Variants in BMP5 observed in about 807,000 individuals in gnomAD.
BMP5 encodes the protein bone morphogenetic protein 5.
In BMP5, 23 loss-of-function variants were observed where a neutral mutation model predicts 46.6. The observed-to-expected ratio is 0.49, with a 90% confidence interval of 0.35 to 0.70. The LOEUF is 0.70. BMP5 is among the 30% of genes least tolerant of loss of function. BMP5 has a pLI of 0.00. For synonymous variants in BMP5, 204 were observed against 191.9 expected (o/e 1.06, Z -0.52); for missense variants, 545 against 565.6 (o/e 0.96, Z 0.37).
chr6:55,831,633 GA>G (rs1776666229), intron 1 of BMP5, among the ~76,000 whole-genome samples: 1 of 149,276 alleles, frequency 6.7e-6, no homozygotes, highest in Non-Finnish European at 1.5e-5. Context: ...TAGAAAAGAA[GA>G]CTTTAAAAAA....
At chr6:55,826,554 G>C (rs1776537460) in intron 1 of BMP5, among the ~76,000 whole-genome samples, 1 of 151,434 alleles carries the variant, frequency 6.6e-6, no homozygotes, top group African/African-American at 2.4e-5. Context: ...AAATTAGAAT[G>C]AAGTTGGTCT....
At chr6:55,778,312 A>T (rs984272410) in intron 3 of BMP5, among the ~76,000 whole-genome samples, 2 of 151,990 alleles carry the variant, frequency 1.3e-5, no homozygotes, top group African/African-American at 4.8e-5. Context: ...CACAAATGGG[A>T]GGGAAGAAGA....
intron 1 of BMP5, among the ~76,000 whole-genome samples, chr6:55,843,271 T>A (rs191837509): frequency 3.3e-5 from 5 of 152,242 alleles, no homozygotes; most frequent in Non-Finnish European, 7.4e-5. Flanking sequence ...TTAAATTGTT[T>A]CATAGAGGCA....
intron 2 of BMP5, among the ~76,000 whole-genome samples, chr6:55,802,572 G>C (rs1775874964): frequency 6.6e-6 from 1 of 151,940 alleles, no homozygotes; most frequent in Non-Finnish European, 1.5e-5. Context: ...CAGCCATGGT[G>C]CTTGTCAAAA....
At chr6:55,823,029 A>G (rs535943118) in intron 1 of BMP5, among the ~76,000 whole-genome samples, 17 of 152,212 alleles carry the variant, frequency 1.1e-4, no homozygotes, top group Admixed American at 4.6e-4. Flanking sequence ...AATATTCAAC[A>G]ATGTAATCTC....
At chr6:55,776,284 C>T (rs1014976039) in intron 3 of BMP5, among the ~76,000 whole-genome samples, 2 of 151,932 alleles carry the variant, frequency 1.3e-5, no homozygotes, top group Non-Finnish European at 2.9e-5. Flanking sequence ...CAGACTTCCT[C>T]CTTCTGGCAG....
At chr6:55,813,966 A>G (rs904485205) in intron 2 of BMP5, among the ~76,000 whole-genome samples, 1 of 152,158 alleles carries the variant, frequency 6.6e-6, no homozygotes, top group Non-Finnish European at 1.5e-5. Flanking sequence ...TGTAAGATAA[A>G]TTCATAAATA....
At chr6:55,773,001 G>T in intron 4 of BMP5, 2 of 822,694 alleles carry the variant, frequency 2.4e-6, no homozygotes, top group Non-Finnish European at 2.9e-6. Flanking sequence ...GCTGCTGTAT[G>T]ACCTGTCATT....
chr6:55,758,423 A>G (rs1225871518), intron 6 of BMP5, among the ~76,000 whole-genome samples: 1 of 151,916 alleles, frequency 6.6e-6, no homozygotes, highest in Non-Finnish European at 1.5e-5. Flanking sequence ...CATAAAAATA[A>G]GCCTAGATTA....
Position 55,774,071 on chromosome 6 carries a change from G to A in BMP5, c.1005C>T (p.Ser335=), listed in dbSNP as rs367662677. Residue 335 remains serine, a synonymous_variant, in exon 4 of 7, where the codon TCC becomes TCT. Transcript: ENST00000370830. ...NRNKSSSHQD[S]SRMSSVGDYN... ...TACCTCCAACACTGGACATTCTGGA[G>A]GAGTCCTGATGAGAGCTGGATTTAT... is the stretch of plus-strand genomic sequence containing the variant. 11 of 1,612,604 alleles carry A rather than the reference G, an allele frequency of 6.8e-6. No individual in the cohort carries two copies. Among genetic ancestry groups the A allele is most frequent in the Non-Finnish European group, 9.3e-6 (11 of 1,179,286 alleles).
At chr6:55,760,640 G>A in intron 4 of BMP5, 107 bp from the exon 5 acceptor site, 1 of 951,680 alleles carries the variant, frequency 1.1e-6, no homozygotes, top group Non-Finnish European at 1.6e-6. Context: ...ATTTGAAGTT[G>A]TGGAAAAATG....
rs538295693 is a variant in BMP5, at chr6:55,762,211, TTTGA to T, written c.1028-1682_1028-1679del. On this transcript the variant is annotated intron_variant, in intron 4 of 6. Coordinates refer to ENST00000370830, the MANE Select transcript of BMP5 (RefSeq NM_021073.4). ...AATAACATTCGAAAAACTAGTCCAC[TTTGA>T]TTATTTCTAAAATAAAATATTAAAG... Among the ~76,000 whole-genome samples the T allele has an allele frequency of 6.6e-4, 101 of 152,134 alleles. 1 individual carries two copies. The East Asian group carries it at 0.017, about 25-fold the overall frequency.
chr6:55,764,498 G>A (rs1005546416), intron 4 of BMP5, among the ~76,000 whole-genome samples: 3 of 151,636 alleles, frequency 2.0e-5, no homozygotes, highest in Admixed American at 6.6e-5. Flanking sequence ...GCGTGAACCC[G>A]GGAGGCGGAG....
At chr6:55,822,004 C>T (rs1472911089) in intron 1 of BMP5, among the ~76,000 whole-genome samples, 1 of 152,168 alleles carries the variant, frequency 6.6e-6, no homozygotes, top group Non-Finnish European at 1.5e-5. Context: ...ACTATATTCT[C>T]AGTATTTTAT....
intron 1 of BMP5, among the ~76,000 whole-genome samples, chr6:55,855,443 A>G: frequency 6.6e-6 from 1 of 152,128 alleles, no homozygotes; most frequent in Non-Finnish European, 1.5e-5. Context: ...GAGTTAATGT[A>G]GTAATCATTA....
At chr6:55,828,178 A>G (rs919922547) in intron 1 of BMP5, among the ~76,000 whole-genome samples, 4 of 151,860 alleles carry the variant, frequency 2.6e-5, no homozygotes, top group African/African-American at 7.2e-5. Context: ...TAGTTTATCT[A>G]CAGTGAATAT....
chr6:55,754,358 C>T lies in BMP5; in HGVS notation c.*1175G>A, dbSNP rs1354059262. 6.6e-6 allele frequency: 1 copy of T among 151,698 alleles called. No individual in the cohort carries two copies. Among genetic ancestry groups the T allele is most frequent in the Non-Finnish European group, 1.5e-5 (1 of 67,826 alleles). The allele number at this position is 151,698 out of a possible 1,614,324, so 9.4% of individuals were successfully genotyped here. Reference sequence around the variant, plus strand: ...CACACACACACACAACAGAACCTTCCTGTTTGGAATTATTTGTGCTTGGAA... The same window carrying T: ...CACACACACACACAACAGAACCTTCTTGTTTGGAATTATTTGTGCTTGGAA... On this transcript the variant is annotated 3_prime_UTR_variant, in exon 7 of 7. Coordinates refer to ENST00000370830, the MANE Select transcript of BMP5 (RefSeq NM_021073.4).
At chr6:55,823,054 G>C (rs1402606349) in intron 1 of BMP5, among the ~76,000 whole-genome samples, 1 of 152,036 alleles carries the variant, frequency 6.6e-6, no homozygotes, top group African/African-American at 2.4e-5. Flanking sequence ...ACCTCAAACA[G>C]TAACACTAGG....
chr6:55,840,830 G>A (rs995332931), intron 1 of BMP5, among the ~76,000 whole-genome samples: 8 of 152,174 alleles, frequency 5.3e-5, no homozygotes, highest in African/African-American at 1.9e-4. Flanking sequence ...TAAAGATGAT[G>A]TAACTAGCTG....
Sources: allele counts gnomAD v4.1 joint callset (sites outside exome capture counted in the v4.1 genomes callset), GRCh38; gene constraint gnomAD v4.1.1; transcripts MANE v1.5; gene names NCBI Gene and HGNC (gene_info 2026-07-23, HGNC 2026-07-21).